STK3: variants seen among roughly 807,000 people sequenced by gnomAD.
STK3 encodes serine/threonine-protein kinase 3.
In STK3, 41 loss-of-function variants were observed where a neutral mutation model predicts 58.0. That is an observed-to-expected ratio of 0.71 (90% confidence interval 0.55 to 0.92). The LOEUF is 0.92. Ranked by LOEUF, STK3 falls within the 40% of genes least tolerant of loss-of-function variation. The pLI is 0.00. For synonymous variants in STK3, 170 were observed against 191.0 expected, an observed-to-expected ratio of 0.89 and a Z score of 0.91; for missense variants, 479 against 602.7, an observed-to-expected ratio of 0.79 and a Z score of 2.15.
chr8:98,589,927 G>A (rs1243194455), intron 7 of STK3, among the ~76,000 whole-genome samples: 6 of 152,236 alleles, frequency 3.9e-5, no homozygotes, highest in African/African-American at 4.8e-5. Context: ...TGCACTTCCC[G>A]AGTGAGGCAA....
intron 1 of STK3, among the ~76,000 whole-genome samples, chr8:98,924,504 C>T (rs1020639261): frequency 2.0e-5 from 3 of 152,220 alleles, no homozygotes; most frequent in Admixed American, 6.5e-5. Flanking sequence ...CCTGAAACCA[C>T]TATGCTCATC....
chr8:98,864,466 T>C (rs1426174023), intron 3 of STK3, among the ~76,000 whole-genome samples: 2 of 152,146 alleles, frequency 1.3e-5, no homozygotes, highest in African/African-American at 4.8e-5. Flanking sequence ...TGAGAGAAAA[T>C]CTCTTCTTGT....
chr8:98,405,169 T>C (rs1052887928), intron 3 of STK3, among the ~76,000 whole-genome samples: 16 of 152,214 alleles, frequency 1.1e-4, no homozygotes, highest in Non-Finnish European at 1.8e-4. Flanking sequence ...AATGTTCTCA[T>C]ATAGGACTTC....
chr8:98,833,236 T>C (rs1456466140), intron 3 of STK3, among the ~76,000 whole-genome samples: 1 of 152,120 alleles, frequency 6.6e-6, no homozygotes, highest in East Asian at 1.9e-4. Context: ...TTCCAGGTCA[T>C]AGGAGGATCC....
chr8:98,699,113 C>T (rs1310045459), intron 6 of STK3, among the ~76,000 whole-genome samples: 2 of 152,170 alleles, frequency 1.3e-5, no homozygotes, highest in African/African-American at 2.4e-5. Context: ...TCATTCATTT[C>T]GTCTTCCATC....
intron 3 of STK3, among the ~76,000 whole-genome samples, chr8:98,406,161 A>T (rs929649522): frequency 6.6e-6 from 1 of 152,206 alleles, no homozygotes; most frequent in African/African-American, 2.4e-5. Context: ...AGGGCCTGAC[A>T]CACAATAAAC....
At chr8:98,941,879 C>A (rs1840446683) in intron 1 of STK3, among the ~76,000 whole-genome samples, 1 of 152,244 alleles carries the variant, frequency 6.6e-6, no homozygotes, top group African/African-American at 2.4e-5. Context: ...AGCAGATGAC[C>A]GGGTCAGCGG....
intron 6 of STK3, among the ~76,000 whole-genome samples, chr8:98,647,934 G>A (rs1419104259): frequency 6.6e-6 from 1 of 152,166 alleles, no homozygotes; most frequent in East Asian, 1.9e-4. Context: ...TGTGCATCAG[G>A]AGGTATCTTT....
At chr8:98,779,131 T>C (rs1831921041) in intron 1 of STK3, among the ~76,000 whole-genome samples, 1 of 152,030 alleles carries the variant, frequency 6.6e-6, no homozygotes, top group African/African-American at 2.4e-5. Flanking sequence ...CTTCTGATGT[T>C]TCTTCTCAAC....
the STK3 span, among the ~76,000 whole-genome samples, chr8:98,353,861 C>G: frequency 6.6e-6 from 1 of 151,682 alleles, no homozygotes; most frequent in Non-Finnish European, 1.5e-5. Context: ...GAAAAACATA[C>G]TTTTGTTGTT....
chr8:98,702,999 C>T (rs1351669239), intron 6 of STK3, among the ~76,000 whole-genome samples: 1 of 152,140 alleles, frequency 6.6e-6, no homozygotes, highest in Non-Finnish European at 1.5e-5. Flanking sequence ...CTCATTGTGG[C>T]AACTTTGTAG....
chr8:98,679,197 A>G (rs752063323), intron 6 of STK3, among the ~76,000 whole-genome samples: 7 of 152,188 alleles, frequency 4.6e-5, no homozygotes, highest in Non-Finnish European at 8.8e-5. Context: ...TCCTCTACTT[A>G]GAAATTCTGT....
At chr8:98,757,779 GA>G (rs1386023208) in intron 3 of STK3, among the ~76,000 whole-genome samples, 1 of 151,842 alleles carries the variant, frequency 6.6e-6, no homozygotes, top group East Asian at 1.9e-4. Context: ...AAGCTAGGGA[GA>G]AAAATGGAAA....
chr8:98,674,702 G>A (rs1179904807), intron 6 of STK3, among the ~76,000 whole-genome samples: 1 of 152,148 alleles, frequency 6.6e-6, no homozygotes, highest in Non-Finnish European at 1.5e-5. Context: ...GAGAGACTAT[G>A]AGGTACTTTC....
At chr8:98,585,263 A>G (rs200225671) in intron 7 of STK3, among the ~76,000 whole-genome samples, 4 of 152,068 alleles carry the variant, frequency 2.6e-5, no homozygotes, top group Non-Finnish European at 4.4e-5. Flanking sequence ...ATCTTGAATT[A>G]ATTTTTGTAT....
At chr8:98,583,020 C>A (rs147639569) in intron 7 of STK3, among the ~76,000 whole-genome samples, 52 of 152,132 alleles carry the variant, frequency 3.4e-4, no homozygotes, top group Middle Eastern at 3.4e-3. Context: ...GTGACTCCAT[C>A]CTCATTTACT....
chr8:98,847,517 C>T (rs1836252728), intron 3 of STK3, among the ~76,000 whole-genome samples: 1 of 152,102 alleles, frequency 6.6e-6, no homozygotes, highest in Admixed American at 6.6e-5. Flanking sequence ...CTTGGTTTAA[C>T]TGTATTGTTC....
At chr8:98,697,986 G>A (rs567971832) in intron 6 of STK3, among the ~76,000 whole-genome samples, 1 of 152,264 alleles carries the variant, frequency 6.6e-6, no homozygotes, top group Non-Finnish European at 1.5e-5. Flanking sequence ...CATTATTATT[G>A]TGTGGGAGTC....
At chr8:98,839,077 C>T (rs1835865332) in intron 3 of STK3, among the ~76,000 whole-genome samples, 1 of 151,256 alleles carries the variant, frequency 6.6e-6, no homozygotes, top group African/African-American at 2.4e-5. Flanking sequence ...GACAAGGTCT[C>T]ACTCTGTCAC....
Sources: allele counts gnomAD v4.1 joint callset (sites outside exome capture counted in the v4.1 genomes callset), GRCh38; gene constraint gnomAD v4.1.1; transcripts MANE v1.5; gene names NCBI Gene and HGNC (gene_info 2026-07-23, HGNC 2026-07-21).